FNTB: variants seen among roughly 807,000 people sequenced by gnomAD.
FNTB encodes the protein protein farnesyltransferase subunit beta.
In FNTB, 27 loss-of-function variants were observed where a neutral mutation model predicts 59.4. The ratio of observed to expected loss-of-function variants is 0.45; its 90% CI spans 0.34 to 0.63. The LOEUF is 0.63. FNTB is among the 20% of genes least tolerant of loss of function. FNTB has a pLI of 0.02. For synonymous variants in FNTB, 230 were observed against 220.7 expected (o/e 1.04, Z -0.37); for missense variants, 449 against 559.6 (o/e 0.80, Z 1.99).
In FNTB at chr14:65,054,862, G is replaced by A. The variant is rs574911750; in HGVS notation, c.1182+173G>A. Among the ~76,000 whole-genome samples, 8 of 152,304 alleles carry A rather than the reference G, an allele frequency of 5.3e-5. No homozygotes were observed. In the East Asian group the frequency reaches 7.7e-4, roughly 15 times the overall value. The stretch of plus-strand genomic sequence containing the variant: ...GTGAGGATGTGACCACAGAGGAGAC[G>A]CACCTCTGGGCAAGCTCAGGGTTCC... On this transcript the variant is annotated intron_variant, in intron 11 of 11. Transcript: ENST00000246166. The surrounding 1 kb of genome is among the most constrained non-coding windows in gnomAD (Gnocchi z 4.4).
rs1362681050 is a variant in FNTB at position 64,986,933 on chromosome 14, CT to C, written c.-20del. ...GCTTAACGAAGCAGAGTCCTACACACTGTCTGCTGCTCTCCTGATCATGGCT... is the reference window on the plus strand; with the variant it reads ...GCTTAACGAAGCAGAGTCCTACACACGTCTGCTGCTCTCCTGATCATGGCT... On this transcript the variant is annotated 5_prime_UTR_variant, in exon 1 of 12. Transcript: ENST00000246166. The C allele has an allele frequency of 6.2e-7, 1 of 1,613,602 alleles. No individual in the cohort carries two copies. Among genetic ancestry groups the C allele is most frequent in the East Asian group, 2.2e-5 (1 of 44,896 alleles).
chr14:65,044,760 GCT>G lies in FNTB; in HGVS notation c.955+320_955+321del. 1 of 322,500 alleles carries G rather than the reference GCT, an allele frequency of 3.1e-6. No homozygotes were observed. The highest frequency in any genetic ancestry group is 5.7e-6 in the Non-Finnish European group (1 of 176,212). 20.0% of individuals were successfully genotyped at this position (322,500 alleles called of 1,614,324 possible). On this transcript the variant is annotated intron_variant, in intron 9 of 11. Coordinates refer to ENST00000246166, the MANE Select transcript of FNTB (RefSeq NM_002028.4). The surrounding 1 kb of genome is among the most constrained non-coding windows in gnomAD (Gnocchi z 5.5). ...AAGGAGCAGCCCACTCCTGTCCTGG[GCT>G]CTGTGGTGATTGCCACCTCCTCTGG...
At chr14:65,015,515 G>T (rs2061756542) in intron 3 of FNTB, 110 bp from the exon 4 acceptor site, 3 of 937,534 alleles carry the variant, frequency 3.2e-6, no homozygotes, top group Middle Eastern at 2.9e-4. Flanking sequence ...GAGCAAGGGT[G>T]CCCTCCTCCC....
chr14:65,001,181 A>T lies in FNTB; in HGVS notation c.145-3068A>T, dbSNP rs1888587480. 6.6e-6 allele frequency among the ~76,000 whole-genome samples: 1 copy of T among 152,212 alleles called. No individual in the cohort carries two copies. The highest frequency in any genetic ancestry group is 2.4e-5 in the African/African-American group (1 of 41,456). On this transcript the variant is annotated intron_variant, in intron 1 of 11. Coordinates refer to ENST00000246166, the MANE Select transcript of FNTB (RefSeq NM_002028.4). The surrounding 1 kb of genome is among the most constrained non-coding windows in gnomAD (Gnocchi z 5.5). Reference sequence around the variant, plus strand: ...CATTGTACTAGGAGGTATTATAAGTAATCTAGAGATGATTTAAAATACAGG... The same window carrying T: ...CATTGTACTAGGAGGTATTATAAGTTATCTAGAGATGATTTAAAATACAGG...
At position 65,062,070 on chromosome 14, in the gene FNTB, G is replaced by T. The variant is rs2062874789; in HGVS notation, c.*758G>T. ...CTGTGCCAGAGGAAACAGCCCTCCA[G>T]TGCCCACCTGCCTCACTCCTCCCTA... On this transcript the variant is annotated 3_prime_UTR_variant, in exon 12 of 12. Coordinates refer to ENST00000246166, the MANE Select transcript of FNTB (RefSeq NM_002028.4). The surrounding 1 kb of genome is among the most constrained non-coding windows in gnomAD (Gnocchi z 4.3). The T allele has an allele frequency of 6.6e-6, 1 of 152,494 alleles. No individual in the cohort carries two copies. The highest frequency in any genetic ancestry group is 2.1e-4 in the South Asian group (1 of 4,824). The allele number at this position is 152,494 out of a possible 1,614,324, so 9.4% of individuals were successfully genotyped here. A position where few individuals can be genotyped will look rare whatever the true frequency, so the allele number is the denominator to read the frequency against.
chr14:65,016,016 A>C (rs1012680822), intron 4 of FNTB, among the ~76,000 whole-genome samples: 1 of 152,204 alleles, frequency 6.6e-6, no homozygotes, highest in Non-Finnish European at 1.5e-5. Context: ...CAACTCTGAG[A>C]GACAAGATTT....
rs1888189803 is a variant in FNTB, at chr14:64,991,302, A to G, written c.144+4205A>G. Among the ~76,000 whole-genome samples the G allele has an allele frequency of 6.6e-6, 1 of 152,154 alleles. No individual in the cohort carries two copies. The highest frequency in any genetic ancestry group is 2.4e-5 in the African/African-American group (1 of 41,436). On this transcript the variant is annotated intron_variant, in intron 1 of 11. Transcript: ENST00000246166. This position sits in a 1 kb window ranked among gnomAD's most constrained non-coding sequence, Gnocchi z 4.4. ...AAAATTCTTTTATCTTAGAGAGATA[A>G]AAAAGAATATGCTGTAAGGCCGAGT...
chr14:65,056,635 T>A (rs140049746), intron 11 of FNTB, among the ~76,000 whole-genome samples: 67 of 152,358 alleles, frequency 4.4e-4, no homozygotes, highest in Middle Eastern at 3.4e-3. Context: ...CTGCGAATTG[T>A]CTGCCAGTTC....
In FNTB at chr14:65,030,213, A is replaced by T. The variant is rs542877349; in HGVS notation, c.606-2397A>T. Among the ~76,000 whole-genome samples, 18 of 152,320 alleles carry T rather than the reference A, an allele frequency of 1.2e-4. No homozygotes were observed. In the East Asian group the frequency reaches 3.5e-3, roughly 29 times the overall value. ...ATCTGAGCCTCTTTAAGAGGCCTAC[A>T]ATTGCAAGGAAATTAGACAGATCTT... On this transcript the variant is annotated intron_variant, in intron 6 of 11. Transcript: ENST00000246166. This position sits in a 1 kb window ranked among gnomAD's most constrained non-coding sequence, Gnocchi z 4.5.
intron 7 of FNTB, among the ~76,000 whole-genome samples, chr14:65,033,795 T>C (rs1010919174): frequency 2.0e-5 from 3 of 152,100 alleles, no homozygotes; most frequent in Non-Finnish European, 4.4e-5. Flanking sequence ...AGGCGGAGCT[T>C]GCAGTGAGCC....
intron 7 of FNTB, among the ~76,000 whole-genome samples, chr14:65,033,598 CTG>C (rs199958103): frequency 0.011 from 1,648 of 152,314 alleles, 15 homozygotes; most frequent in Middle Eastern, 0.027. Context: ...TGGCTCACGC[CTG>C]TAATTCCAGC....
chr14:65,024,095 C>A (rs1303629501), intron 4 of FNTB, among the ~76,000 whole-genome samples: 1 of 149,296 alleles, frequency 6.7e-6, no homozygotes, highest in African/African-American at 2.5e-5. Flanking sequence ...GAGGGACACT[C>A]CATCTCCTAA....
At chr14:65,051,309 T>G (rs2062602942) in intron 9 of FNTB, among the ~76,000 whole-genome samples, 2 of 152,238 alleles carry the variant, frequency 1.3e-5, no homozygotes, top group African/African-American at 4.8e-5. Context: ...ATTGTCTGTT[T>G]GAAATATTCA....
intron 8 of FNTB, among the ~76,000 whole-genome samples, chr14:65,043,223 C>T (rs1256569401): frequency 2.6e-5 from 4 of 152,168 alleles, no homozygotes; most frequent in African/African-American, 4.8e-5. Flanking sequence ...TGGTTCTGCT[C>T]ATTCTGAGGG....
At chr14:65,033,399 G>A (rs2062123834) in intron 7 of FNTB, among the ~76,000 whole-genome samples, 1 of 152,314 alleles carries the variant, frequency 6.6e-6, no homozygotes, top group African/African-American at 2.4e-5. Context: ...GCTGAGGGGA[G>A]AGCAAAGGAA....
At position 64,994,742 on chromosome 14, in the gene FNTB, A is replaced by G. The variant is rs1888329996; in HGVS notation, c.144+7645A>G. 6.6e-6 allele frequency among the ~76,000 whole-genome samples: 1 copy of G among 152,208 alleles called. No individual in the cohort carries two copies. Among genetic ancestry groups the G allele is most frequent in the Non-Finnish European group, 1.5e-5 (1 of 68,028 alleles). On this transcript the variant is annotated intron_variant, in intron 1 of 11. Transcript: ENST00000246166. The surrounding 1 kb of genome is among the most constrained non-coding windows in gnomAD (Gnocchi z 4.2). Reference sequence around the variant, plus strand: ...AGTGAATGAGTGGTGAATGAATGTGAAGCCCTAGGATATGAGTGTACACTA... The same window carrying G: ...AGTGAATGAGTGGTGAATGAATGTGGAGCCCTAGGATATGAGTGTACACTA...
In FNTB at chr14:64,987,030, T is replaced by A; in HGVS notation, c.77T>A (p.Leu26Gln). The A allele has an allele frequency of 6.2e-7, 1 of 1,614,230 alleles. No homozygotes were observed. Among genetic ancestry groups the A allele is most frequent in the Non-Finnish European group, 8.5e-7 (1 of 1,180,048 alleles). Residue 26 changes from leucine (L) to glutamine (Q), a missense_variant, in exon 1 of 12, where the codon CTG (leucine) becomes CAG (glutamine). This residue lies in a region of FNTB where 112 missense variants were observed against 80.5 expected (regional missense o/e 1.39). Transcript: ENST00000246166. ...SPVWSEPLYS[L>Q]RPEHARERLQ... Reference sequence around the variant, plus strand: ...GTCTGGTCAGAGCCGCTGTACAGTCTGAGGCCCGAGCACGCGCGAGAGCGG... The same window carrying A: ...GTCTGGTCAGAGCCGCTGTACAGTCAGAGGCCCGAGCACGCGCGAGAGCGG...
In FNTB at chr14:65,031,979, CGTGTGTGTGT is replaced by C. The variant is rs563468928; in HGVS notation, c.606-600_606-591del. On this transcript the variant is annotated intron_variant, in intron 6 of 11. Transcript: ENST00000246166. The surrounding 1 kb of genome is among the most constrained non-coding windows in gnomAD (Gnocchi z 4.6). ...ATAGACGTGCGCCTTTTTCATTTAA[CGTGTGTGTGT>C]GTGTGTGTGTGTGTGTGTGTGTGTG... 2.4e-4 allele frequency among the ~76,000 whole-genome samples: 34 copies of C among 141,194 alleles called. No homozygotes were observed. The highest frequency in any genetic ancestry group is 5.6e-4 in the Admixed American group (8 of 14,162). The allele number at this position is 141,194 out of a possible 152,430, so 92.6% of individuals were successfully genotyped here. A position where few individuals can be genotyped will look rare whatever the true frequency, so the allele number is the denominator to read the frequency against.
At chr14:65,021,750 A>T (rs539745373) in intron 4 of FNTB, among the ~76,000 whole-genome samples, 5 of 152,254 alleles carry the variant, frequency 3.3e-5, no homozygotes, top group Middle Eastern at 3.4e-3. Flanking sequence ...GGTTCAAGCG[A>T]TTCTCGTGCT....
Sources: allele counts gnomAD v4.1 joint callset (sites outside exome capture counted in the v4.1 genomes callset), GRCh38; gene constraint gnomAD v4.1.1; regional missense constraint gnomAD v4.1.1; non-coding constraint Gnocchi (gnomAD v3.1); transcripts MANE v1.5; gene names NCBI Gene and HGNC (gene_info 2026-07-23, HGNC 2026-07-21).